XIRP2: variants seen among roughly 807,000 people sequenced by gnomAD.
XIRP2 encodes the protein xin actin-binding repeat-containing protein 2.
XIRP2 carries 236 observed loss-of-function variants against 277.0 expected under a neutral mutation model. That is an observed-to-expected ratio of 0.85 (90% CI 0.77 to 0.95). The LOEUF (loss-of-function observed/expected upper bound fraction) is 0.95. Among genes scored for constraint, XIRP2 ranks in the 40% least tolerant of loss-of-function variants. The pLI is 0.00. For synonymous variants in XIRP2, 1,490 were observed against 1,416.5 expected (o/e 1.05, Z -1.17); for missense variants, 4,640 against 4,157.5 (o/e 1.12, Z -3.19).
chr2:166,920,056 C>T (rs190484509), intron 2 of XIRP2, among the ~76,000 whole-genome samples: 1 of 152,178 alleles, frequency 6.6e-6, no homozygotes, highest in Non-Finnish European at 1.5e-5. Flanking sequence ...TTGAATGCCT[C>T]GCCTCATGCT....
At chr2:167,059,343 C>T (rs1689119900) in intron 2 of XIRP2, among the ~76,000 whole-genome samples, 1 of 151,114 alleles carries the variant, frequency 6.6e-6, no homozygotes, top group African/African-American at 2.4e-5. Context: ...GTCTCGAACT[C>T]CTGACCTCGG....
At chr2:166,952,004 CA>C (rs1477300688) in intron 2 of XIRP2, among the ~76,000 whole-genome samples, 1 of 152,010 alleles carries the variant, frequency 6.6e-6, no homozygotes, top group Non-Finnish European at 1.5e-5. Flanking sequence ...CTGTGTGCTT[CA>C]GTTGCTTCAT....
In XIRP2 at chr2:166,965,734, C is replaced by T. The variant is rs532692628; in HGVS notation, c.408+61844C>T. On this transcript the variant is annotated intron_variant, in intron 2 of 10. Coordinates refer to ENST00000409195, the MANE Select transcript of XIRP2 (RefSeq NM_152381.6). ...AAGTAGCTGGGAACACAAGCATGCA[C>T]CACTATGCCAGGCTAATCTTTTATT... Among the ~76,000 whole-genome samples the T allele has an allele frequency of 1.3e-4, 20 of 151,932 alleles. No homozygotes were observed. In the East Asian group the frequency reaches 3.7e-3, roughly 28 times the overall value.
intron 9 of XIRP2, among the ~76,000 whole-genome samples, chr2:167,252,582 T>G (rs112921626): frequency 3.9e-5 from 6 of 152,076 alleles, no homozygotes; most frequent in African/African-American, 1.4e-4. Context: ...TCAATCAACC[T>G]CATTCACAAA....
chr2:167,079,061 A>G (rs1689657777), intron 2 of XIRP2, among the ~76,000 whole-genome samples: 1 of 152,110 alleles, frequency 6.6e-6, no homozygotes, highest in Non-Finnish European at 1.5e-5. Context: ...GAGGGTTTTT[A>G]TCATGAAAGG....
chr2:166,967,176 G>T (rs2105415158), intron 2 of XIRP2, among the ~76,000 whole-genome samples: 1 of 151,916 alleles, frequency 6.6e-6, no homozygotes, highest in Non-Finnish European at 1.5e-5. Flanking sequence ...CCATAGTAAA[G>T]AAAACACTAC....
chr2:166,948,559 A>T (rs1322986527), intron 2 of XIRP2, among the ~76,000 whole-genome samples: 3 of 152,030 alleles, frequency 2.0e-5, no homozygotes, highest in Non-Finnish European at 4.4e-5. Flanking sequence ...TGGGCTAAGA[A>T]TTATTACCCT....
chr2:167,134,416 A>T (rs1691480162), intron 2 of XIRP2, among the ~76,000 whole-genome samples: 1 of 151,954 alleles, frequency 6.6e-6, no homozygotes, highest in Non-Finnish European at 1.5e-5. Flanking sequence ...TTCTTTTCTA[A>T]CCATAGCAAA....
chr2:167,243,605 C>T lies in XIRP2; in HGVS notation c.2213C>T (p.Thr738Ile), dbSNP rs780461475. ...AAAAGAAGTATAAAATGTTTCGAAA[C>T]TCAACCATTATATGTTATTAGAGAT... ...NVKRSIKCFE[T>I]QPLYVIRDGS... Residue 738 changes from threonine (T) to isoleucine (I), a missense_variant, in exon 9 of 11, where the codon ACT becomes ATT. Transcript: ENST00000409195. 1.2e-6 allele frequency: 2 copies of T among 1,613,992 alleles called. No individual in the cohort carries two copies. The highest frequency in any genetic ancestry group is 2.2e-5 in the East Asian group (1 of 44,864).
intron 2 of XIRP2, among the ~76,000 whole-genome samples, chr2:167,057,253 T>C (rs1689061215): frequency 6.6e-6 from 1 of 152,134 alleles, no homozygotes; most frequent in Non-Finnish European, 1.5e-5. Context: ...TCAGCAACAC[T>C]CTGACATTCC....
intron 2 of XIRP2, among the ~76,000 whole-genome samples, chr2:166,959,568 C>T (rs1237621163): frequency 6.6e-6 from 1 of 151,670 alleles, no homozygotes; most frequent in Non-Finnish European, 1.5e-5. Flanking sequence ...ATATAGGCAA[C>T]CATTATGAAG....
intron 4 of XIRP2, among the ~76,000 whole-genome samples, chr2:167,213,184 A>G (rs929227102): frequency 2.6e-5 from 4 of 152,294 alleles, no homozygotes; most frequent in Admixed American, 1.3e-4. Context: ...AAAGAGAGGG[A>G]GAAGTAACAC....
intron 2 of XIRP2, among the ~76,000 whole-genome samples, chr2:167,002,201 A>T (rs1687392432): frequency 6.6e-6 from 1 of 152,110 alleles, no homozygotes; most frequent in Non-Finnish European, 1.5e-5. Context: ...TTAAAATCAG[A>T]TTTATTACCT....
intron 2 of XIRP2, among the ~76,000 whole-genome samples, chr2:167,033,054 T>C (rs914195714): frequency 3.3e-5 from 5 of 152,126 alleles, no homozygotes; most frequent in African/African-American, 1.2e-4. Context: ...CAAATGCCCA[T>C]TAATGTTAGA....
intron 2 of XIRP2, among the ~76,000 whole-genome samples, chr2:166,988,032 A>G (rs945679703): frequency 6.6e-6 from 1 of 152,224 alleles, no homozygotes; most frequent in Non-Finnish European, 1.5e-5. Flanking sequence ...GAAAAGAGAC[A>G]CTGATGTATT....
At chr2:167,105,772 C>T (rs916478484) in intron 2 of XIRP2, among the ~76,000 whole-genome samples, 1 of 151,806 alleles carries the variant, frequency 6.6e-6, no homozygotes, top group Non-Finnish European at 1.5e-5. Flanking sequence ...TTTTACATTA[C>T]AATACATAAG....
In XIRP2 at chr2:166,901,470, T is replaced by A. The variant is rs373511612; in HGVS notation, c.-18-1995T>A. Among the ~76,000 whole-genome samples the A allele has an allele frequency of 1.1e-3, 173 of 152,232 alleles. 1 individual carries two copies. The highest frequency in any genetic ancestry group is 4.1e-3 in the African/African-American group (169 of 41,556). On this transcript the variant is annotated intron_variant, in intron 1 of 10. Coordinates refer to ENST00000409195, the MANE Select transcript of XIRP2 (RefSeq NM_152381.6). ...AACAGATGTTCCAAATCAGTTTCAA[T>A]TATTAGGATTTCCTTTTCTACAGGA...
intron 3 of XIRP2, among the ~76,000 whole-genome samples, chr2:167,162,552 A>G (rs1191689510): frequency 1.3e-5 from 2 of 152,212 alleles, no homozygotes; most frequent in African/African-American, 4.8e-5. Flanking sequence ...AGCATGGGAA[A>G]GGCCTGCCCA....
At chr2:167,025,326 C>T (rs1688121400) in intron 2 of XIRP2, among the ~76,000 whole-genome samples, 2 of 151,948 alleles carry the variant, frequency 1.3e-5, no homozygotes, top group Admixed American at 1.3e-4. Flanking sequence ...TTTATTGTGT[C>T]TATTTGATTC....
Sources: gnomAD v4.1 joint callset for allele counts (sites outside exome capture counted in the v4.1 genomes callset) on GRCh38, gnomAD v4.1.1 for gene constraint, MANE v1.5 for transcripts, NCBI Gene and HGNC (gene_info 2026-07-23, HGNC 2026-07-21) for gene names.